The following PXT1 variants were observed in gnomAD, a reference collection of about 807,000 sequenced individuals.
The protein encoded by PXT1 is peroxisomal testis-specific protein 1.
Under a neutral mutation model 11.0 loss-of-function variants are expected in PXT1, and 11 were observed. That is an observed-to-expected ratio of 1.00 (90% CI 0.63 to 1.66). PXT1 has a LOEUF of 1.66. PXT1 is among the 40% of genes most tolerant of loss of function. PXT1 has a pLI of 0.00. For synonymous variants in PXT1, 43 were observed against 51.4 expected, an observed-to-expected ratio of 0.84 and a Z score of 0.70; for missense variants, 141 against 155.5, an observed-to-expected ratio of 0.91 and a Z score of 0.49.
intron 3 of PXT1, among the ~76,000 whole-genome samples, chr6:36,423,334 ACTTTAGCT>A (rs1774549703): frequency 1.3e-5 from 2 of 152,222 alleles, no homozygotes; most frequent in African/African-American, 2.4e-5. Flanking sequence ...CACCTCGCGC[ACTTTAGCT>A]GGGCGCGCGA....
chr6:36,401,441 C>G (rs556964592), intron 3 of PXT1, among the ~76,000 whole-genome samples: 1 of 152,104 alleles, frequency 6.6e-6, no homozygotes, highest in East Asian at 1.9e-4. Context: ...ATAGTAAGAC[C>G]TTGTCTCTAC....
intron 3 of PXT1, among the ~76,000 whole-genome samples, chr6:36,418,515 G>T (rs1409658862): frequency 6.6e-6 from 1 of 152,128 alleles, no homozygotes; most frequent in African/African-American, 2.4e-5. Context: ...CTCTGTACTA[G>T]TTGATTTGTT....
intron 4 of PXT1, 97 bp from the exon 5 acceptor site, chr6:36,391,971 T>C (rs1561922861): frequency 1.3e-6 from 1 of 787,158 alleles, no homozygotes; most frequent in East Asian, 2.5e-5. Context: ...TGGAAAATAT[T>C]AATTCAATCC....
chr6:36,421,371 A>G (rs760883637), intron 3 of PXT1, among the ~76,000 whole-genome samples: 4 of 151,974 alleles, frequency 2.6e-5, no homozygotes, highest in Non-Finnish European at 2.9e-5. Flanking sequence ...TGAGGCAGGA[A>G]GACCACTTGA....
intron 2 of PXT1, among the ~76,000 whole-genome samples, chr6:36,426,515 C>T (rs186845033): frequency 4.6e-4 from 70 of 152,044 alleles, no homozygotes; most frequent in Non-Finnish European, 9.4e-4. Flanking sequence ...GGATCACAGG[C>T]ATGCGCCACC....
chr6:36,401,072 G>A (rs1347625644), intron 3 of PXT1, among the ~76,000 whole-genome samples: 14 of 151,726 alleles, frequency 9.2e-5, no homozygotes, highest in Non-Finnish European at 1.9e-4. Context: ...TATAATTCAA[G>A]CCACATATGT....
intron 3 of PXT1, among the ~76,000 whole-genome samples, chr6:36,421,605 A>G (rs763179645): frequency 6.6e-6 from 1 of 152,242 alleles, no homozygotes; most frequent in South Asian, 2.1e-4. Flanking sequence ...AAAGTTTTTA[A>G]AACTTAAATA....
At chr6:36,404,082 G>C (rs1774253549) in intron 3 of PXT1, among the ~76,000 whole-genome samples, 1 of 152,072 alleles carries the variant, frequency 6.6e-6, no homozygotes, top group South Asian at 2.1e-4. Context: ...TAACAAGATA[G>C]GCAAAGGAAC....
chr6:36,425,800 C>CAAACAAACAAACA (rs1554154117), intron 3 of PXT1, 114 bp downstream of exon 3: 23 of 216,718 alleles, frequency 1.1e-4, no homozygotes, highest in African/African-American at 7.4e-4. Context: ...AAAACAAAAA[C>CAAACAAACAAACA]AAAAAATATA....
chr6:36,416,263 C>T (rs1322054479), intron 3 of PXT1, among the ~76,000 whole-genome samples: 5 of 152,042 alleles, frequency 3.3e-5, no homozygotes, highest in South Asian at 4.1e-4. Context: ...GTGGGAGGAT[C>T]GCTTGAGCCC....
Position 36,440,777 on chromosome 6 carries a change from A to T in PXT1, c.-130+1758T>A, listed in dbSNP as rs964170261. 3.3e-5 allele frequency among the ~76,000 whole-genome samples: 5 copies of T among 152,186 alleles called. No individual in the cohort carries two copies. The East Asian group carries it at 9.6e-4, about 29-fold the overall frequency. On this transcript the variant is annotated intron_variant, in intron 1 of 4. Transcript: ENST00000454782. ...TACCCAGTCTGATATGCTGTTCATT[A>T]TATGAAATTTTAGCCAAAAGTTGAA...
At chr6:36,417,779 A>AG (rs1774471008) in intron 3 of PXT1, among the ~76,000 whole-genome samples, 1 of 151,570 alleles carries the variant, frequency 6.6e-6, no homozygotes, top group Non-Finnish European at 1.5e-5. Flanking sequence ...AAAAAAAAAA[A>AG]AAAGAAAGAA....
chr6:36,392,066 G>A lies in PXT1; in HGVS notation c.301-192C>T, dbSNP rs73729976. On this transcript the variant is annotated intron_variant, in intron 4 of 4. Coordinates refer to ENST00000454782, the MANE Select transcript of PXT1 (RefSeq NM_152990.4). ...TTCCATATGGTCATATCCTCACAAC[G>A]CCTCTGGACATATTTTCCTATCTGA... is the stretch of plus-strand genomic sequence containing the variant. 1,061 of 516,988 alleles carry A rather than the reference G, an allele frequency of 2.1e-3. 9 individuals are homozygous for A. Among genetic ancestry groups the A allele is most frequent in the African/African-American group, 0.017 (873 of 51,536 alleles). 32.0% of individuals were successfully genotyped at this position (516,988 alleles called of 1,614,324 possible). A position where few individuals can be genotyped will look rare whatever the true frequency, so the allele number is the denominator to read the frequency against.
chr6:36,435,191 G>T (rs4406224), intron 2 of PXT1, among the ~76,000 whole-genome samples: 2 of 152,178 alleles, frequency 1.3e-5, no homozygotes, highest in African/African-American at 4.8e-5. Flanking sequence ...TTTAATCCCA[G>T]CATTTGGGAG....
intron 2 of PXT1, among the ~76,000 whole-genome samples, chr6:36,428,203 T>C (rs1463801377): frequency 6.6e-6 from 1 of 152,144 alleles, no homozygotes; most frequent in Non-Finnish European, 1.5e-5. Flanking sequence ...TTCAGCACTT[T>C]GAGAGGCTGA....
intron 2 of PXT1, among the ~76,000 whole-genome samples, chr6:36,427,732 G>A (rs1039439650): frequency 3.3e-5 from 5 of 150,774 alleles, no homozygotes; most frequent in African/African-American, 1.2e-4. Context: ...TCAAAATCTG[G>A]TATGCATTTT....
intron 4 of PXT1, among the ~76,000 whole-genome samples, chr6:36,398,001 C>A (rs1774166022): frequency 6.7e-6 from 1 of 150,250 alleles, no homozygotes; most frequent in Non-Finnish European, 1.5e-5. Context: ...GGCAACAGAG[C>A]AAGACTCTGT....
At chr6:36,402,187 C>A (rs902972945) in intron 3 of PXT1, among the ~76,000 whole-genome samples, 2 of 152,022 alleles carry the variant, frequency 1.3e-5, no homozygotes. Flanking sequence ...AACCAATGAG[C>A]GTTTTTAAGC....
chr6:36,428,430 C>G (rs375353501), intron 2 of PXT1, among the ~76,000 whole-genome samples: 2 of 83,102 alleles, frequency 2.4e-5, no homozygotes, highest in African/African-American at 6.4e-5. Flanking sequence ...AAAAAGACAA[C>G]TATTCCTAAA....
Sources: gnomAD v4.1 joint callset for allele counts (sites outside exome capture counted in the v4.1 genomes callset) on GRCh38, gnomAD v4.1.1 for gene constraint, MANE v1.5 for transcripts, NCBI Gene and HGNC (gene_info 2026-07-23, HGNC 2026-07-21) for gene names.